The following CCDC158 variants were observed in gnomAD, a reference collection of about 807,000 sequenced individuals.
The protein encoded by CCDC158 is coiled-coil domain-containing protein 158.
A neutral mutation model predicts 138.6 loss-of-function variants in CCDC158; 116 were observed. That is an observed-to-expected ratio of 0.84 (90% CI 0.72 to 0.98). The LOEUF is 0.98. Ranked by LOEUF, CCDC158 falls within the 50% of genes least tolerant of loss-of-function variation. CCDC158 has a pLI of 0.00. For synonymous variants in CCDC158, 436 were observed against 442.4 expected (o/e 0.99, Z 0.18); for missense variants, 1,265 against 1,306.1 (o/e 0.97, Z 0.48).
chr4:76,313,178 G>T lies in CCDC158; in HGVS notation c.3346C>A (p.Leu1116Ile). ...QKVKDQEKML[L>I]K ...AATAGGCAAGCAACGAGTCATTTTA[G>T]TAACATTTTTTCCTGGTCTTTTACT... Residue 1116 changes from leucine to isoleucine, a missense_variant, in exon 25 of 25, where the codon CTA becomes ATA. By Grantham distance (5) the Leu-to-Ile change is conservative (BLOSUM62 2). Coordinates refer to ENST00000682701, the MANE Select transcript of CCDC158 (RefSeq NM_001394954.1). 1 of 1,599,082 alleles carries T rather than the reference G, an allele frequency of 6.3e-7. No individual in the cohort carries two copies. The highest frequency in any genetic ancestry group is 8.5e-7 in the Non-Finnish European group (1 of 1,170,594).
chr4:76,332,193 C>T (rs1721068160), intron 20 of CCDC158, among the ~76,000 whole-genome samples: 1 of 152,030 alleles, frequency 6.6e-6, no homozygotes, highest in Admixed American at 6.6e-5. Context: ...ATAATAATAG[C>T]TTCATATGGA....
Position 76,369,637 on chromosome 4 carries a change from G to A in CCDC158, c.1150-14C>T, listed in dbSNP as rs1420607495. On this transcript the variant is annotated splice_polypyrimidine_tract_variant and intron_variant, in intron 10 of 24. Transcript: ENST00000682701. Reference sequence around the variant, plus strand: ...GTGTAGATCAGCCTAAAAAAAGAGAGGAATGCTTTTTTCCTCCCTGCTATT... The same window carrying A: ...GTGTAGATCAGCCTAAAAAAAGAGAAGAATGCTTTTTTCCTCCCTGCTATT... 3.1e-6 allele frequency: 5 copies of A among 1,595,610 alleles called. No individual in the cohort carries two copies. Among genetic ancestry groups the A allele is most frequent in the East Asian group, 2.3e-5 (1 of 44,398 alleles).
intron 18 of CCDC158, among the ~76,000 whole-genome samples, chr4:76,334,374 G>A (rs188122923): frequency 2.9e-4 from 44 of 152,182 alleles, no homozygotes; most frequent in African/African-American, 1.1e-3. Context: ...ATATGTGCAT[G>A]GACACATATA....
chr4:76,331,034 C>G (rs1720960294), intron 21 of CCDC158, among the ~76,000 whole-genome samples: 1 of 152,164 alleles, frequency 6.6e-6, no homozygotes, highest in South Asian at 2.1e-4. Context: ...GAATTAGCCC[C>G]TATTCTAACT....
At chr4:76,382,471 T>C in intron 8 of CCDC158, 139 bp downstream of exon 8, 1 of 610,010 alleles carries the variant, frequency 1.6e-6, no homozygotes, top group Non-Finnish European at 2.9e-6. Flanking sequence ...ATACTTCCTG[T>C]TCATTTAAAT....
chr4:76,380,047 T>G (rs1439100939), intron 8 of CCDC158, among the ~76,000 whole-genome samples: 2 of 152,222 alleles, frequency 1.3e-5, no homozygotes, highest in Non-Finnish European at 2.9e-5. Context: ...CCTGTGGAAC[T>G]GTGAGTCAAC....
In CCDC158 at chr4:76,360,795, G is replaced by C. The variant is rs1472172895; in HGVS notation, c.2020+1331C>G. Among the ~76,000 whole-genome samples the C allele has an allele frequency of 2.4e-4, 36 of 152,198 alleles. 1 individual carries two copies. The highest frequency in any genetic ancestry group is 2.9e-5 in the Non-Finnish European group (2 of 68,034). On this transcript the variant is annotated intron_variant, in intron 13 of 24. Coordinates refer to ENST00000682701, the MANE Select transcript of CCDC158 (RefSeq NM_001394954.1). ...GGTAGAAGTGATTTGCCTTGTCTCA[G>C]ATGAGACTTTGGACTTGGACTTTTG...
chr4:76,339,503 T>A (rs931594487), intron 18 of CCDC158, among the ~76,000 whole-genome samples: 2 of 152,260 alleles, frequency 1.3e-5, no homozygotes, highest in African/African-American at 4.8e-5. Context: ...CTATTGATGT[T>A]AACAACAAGG....
chr4:76,398,502 A>G (rs987647107), intron 3 of CCDC158, among the ~76,000 whole-genome samples: 1 of 151,996 alleles, frequency 6.6e-6, no homozygotes, highest in Non-Finnish European at 1.5e-5. Flanking sequence ...TCCCATCTCT[A>G]CTGAAAATAC....
At chr4:76,361,106 C>A (rs140075706) in intron 13 of CCDC158, among the ~76,000 whole-genome samples, 2 of 152,118 alleles carry the variant, frequency 1.3e-5, no homozygotes, top group Non-Finnish European at 2.9e-5. Context: ...AGCACCTCCC[C>A]CTTTGTGTGC....
Position 76,313,076 on chromosome 4 carries a change from C to A in CCDC158, c.*94G>T. On this transcript the variant is annotated 3_prime_UTR_variant, in exon 25 of 25. Coordinates refer to ENST00000682701, the MANE Select transcript of CCDC158 (RefSeq NM_001394954.1). ...GACAGGGTATCTTTTATTAAATTTT[C>A]ACATAAAAAGAAAAAGTACACAGGG... 1.5e-6 allele frequency: 1 copy of A among 683,572 alleles called. No individual in the cohort carries two copies. The highest frequency in any genetic ancestry group is 2.4e-6 in the Non-Finnish European group (1 of 416,922). 42.3% of individuals were successfully genotyped at this position (683,572 alleles called of 1,614,324 possible).
intron 9 of CCDC158, among the ~76,000 whole-genome samples, chr4:76,374,555 T>C (rs537020772): frequency 2.0e-5 from 3 of 152,346 alleles, no homozygotes; most frequent in Middle Eastern, 3.4e-3. Flanking sequence ...CGATCTCTCA[T>C]GTTCCTTTCA....
intron 18 of CCDC158, among the ~76,000 whole-genome samples, chr4:76,342,368 T>C (rs1198908213): frequency 6.6e-6 from 1 of 152,178 alleles, no homozygotes; most frequent in Non-Finnish European, 1.5e-5. Context: ...GTGTAAACCA[T>C]GTGTAAGTCA....
rs376553698 is a variant in CCDC158, at chr4:76,379,277, A to C, written c.1029+13T>G. ...AAAGTCTCTAGAAACAGACCAGCAA[A>C]ACCTAAACTCACCTTGTCTTCATAC... On this transcript the variant is annotated intron_variant, in intron 9 of 24. Coordinates refer to ENST00000682701, the MANE Select transcript of CCDC158 (RefSeq NM_001394954.1). 5.9e-6 allele frequency: 9 copies of C among 1,534,858 alleles called. No homozygotes were observed. Among genetic ancestry groups the C allele is most frequent in the Non-Finnish European group, 8.0e-6 (9 of 1,124,546 alleles).
chr4:76,325,401 A>AT (rs892995295), intron 23 of CCDC158, among the ~76,000 whole-genome samples: 4 of 152,298 alleles, frequency 2.6e-5, no homozygotes, highest in African/African-American at 9.6e-5. Flanking sequence ...TAAATCAAAC[A>AT]TTTTTTTCTC....
intron 14 of CCDC158, among the ~76,000 whole-genome samples, chr4:76,355,825 G>GTA (rs1262872594): frequency 6.6e-6 from 1 of 151,478 alleles, no homozygotes. Flanking sequence ...GTGTGTGTGT[G>GTA]TGTGTAGACA....
intron 12 of CCDC158, among the ~76,000 whole-genome samples, chr4:76,363,975 G>C (rs530909674): frequency 6.6e-6 from 1 of 152,232 alleles, no homozygotes; most frequent in South Asian, 2.1e-4. Context: ...GGTGGTGAAA[G>C]TATCTGGTCC....
At chr4:76,382,353 A>C (rs978238239) in intron 8 of CCDC158, among the ~76,000 whole-genome samples, 1 of 152,180 alleles carries the variant, frequency 6.6e-6, no homozygotes, top group Non-Finnish European at 1.5e-5. Context: ...TCTTTATAGC[A>C]GTGTAAGAAT....
intron 4 of CCDC158, among the ~76,000 whole-genome samples, chr4:76,387,706 C>A (rs1443695411): frequency 1.3e-5 from 2 of 151,862 alleles, no homozygotes; most frequent in Admixed American, 1.3e-4. Flanking sequence ...GCCTGTAATC[C>A]CAGCTACTCA....
Sources: allele counts gnomAD v4.1 joint callset (sites outside exome capture counted in the v4.1 genomes callset), GRCh38; gene constraint gnomAD v4.1.1; transcripts MANE v1.5; gene names NCBI Gene and HGNC (gene_info 2026-07-23, HGNC 2026-07-21).